Variants in WWOX observed in about 807,000 individuals in gnomAD.
The protein encoded by WWOX is WW domain containing oxidoreductase, also known as WW domain-containing oxidoreductase.
WWOX carries 69 observed loss-of-function variants against 46.2 expected under a neutral mutation model. The ratio of observed to expected loss-of-function variants is 1.49; its 90% CI spans 1.23 to 1.82. The LOEUF is 1.82. Among genes scored for constraint, WWOX ranks in the 40% most tolerant of loss-of-function variants. The pLI is 0.00. For missense variants in WWOX, 919 were observed against 542.6 expected (o/e 1.69, Z -6.89); for synonymous variants, 359 against 202.6 (o/e 1.77, Z -6.56).
chr16:78,751,277 A>G (rs1003763586), intron 8 of WWOX, among the ~76,000 whole-genome samples: 10 of 151,702 alleles, frequency 6.6e-5, no homozygotes, highest in Non-Finnish European at 8.8e-5. Flanking sequence ...AACTTTATGA[A>G]TTATTTCTGA....
chr16:78,314,735 A>G (rs1597471968), intron 5 of WWOX, among the ~76,000 whole-genome samples: 1 of 107,338 alleles, frequency 9.3e-6, no homozygotes, highest in Non-Finnish European at 1.7e-5. Flanking sequence ...TATTTTCAGT[A>G]GAGACAGGGT....
chr16:78,801,455 G>C (rs2050886374), intron 8 of WWOX, among the ~76,000 whole-genome samples: 1 of 152,186 alleles, frequency 6.6e-6, no homozygotes, highest in African/African-American at 2.4e-5. Flanking sequence ...GTTGCAGTAA[G>C]CTGATATCAT....
At position 79,211,785 on chromosome 16, in the gene WWOX, C is replaced by T. The variant is rs1443135051; in HGVS notation, c.1234C>T (p.Gln412Ter). The change falls in exon 9 of 9, where the codon CAG (glutamine) becomes TAG (stop). Residue 412 changes from glutamine (Q) to a stop codon, truncating the protein, a stop_gained. Transcript: ENST00000566780. LOFTEE classifies it high-confidence loss of function. ...GCTGATCCAAGAACGGCTTGGCAGCCAGTCCGGCTAAGTGGAGCTCAGAGC... is the reference window on the plus strand; with the variant it reads ...GCTGATCCAAGAACGGCTTGGCAGCTAGTCCGGCTAAGTGGAGCTCAGAGC... ...ERLIQERLGS[Q>*]SG 10 of 1,614,026 alleles carry T rather than the reference C, an allele frequency of 6.2e-6. No individual in the cohort carries two copies. Among genetic ancestry groups the T allele is most frequent in the Non-Finnish European group, 8.5e-6 (10 of 1,180,006 alleles).
intron 8 of WWOX, among the ~76,000 whole-genome samples, chr16:78,874,639 A>T (rs1250735328): frequency 6.6e-6 from 1 of 151,734 alleles, no homozygotes; most frequent in Non-Finnish European, 1.5e-5. Flanking sequence ...TAGTGGACAA[A>T]AATTGAAACA....
chr16:78,163,803 G>A (rs2034877445), intron 4 of WWOX, among the ~76,000 whole-genome samples: 1 of 152,172 alleles, frequency 6.6e-6, no homozygotes, highest in Non-Finnish European at 1.5e-5. Flanking sequence ...ATTATTGATG[G>A]TTAAATGGCT....
intron 8 of WWOX, among the ~76,000 whole-genome samples, chr16:78,520,630 G>T (rs1164468399): frequency 1.3e-5 from 2 of 151,826 alleles, no homozygotes; most frequent in African/African-American, 2.4e-5. Context: ...GTGGGGTGGG[G>T]TGGGGCAGGG....
intron 8 of WWOX, among the ~76,000 whole-genome samples, chr16:78,731,970 C>G (rs533200594): frequency 9.9e-4 from 150 of 151,568 alleles, no homozygotes; most frequent in Middle Eastern, 3.4e-3. Flanking sequence ...CCTCAGCCAT[C>G]TGAGTAGTTG....
At chr16:78,527,337 A>C (rs1215081804) in intron 8 of WWOX, among the ~76,000 whole-genome samples, 3 of 136,684 alleles carry the variant, frequency 2.2e-5, no homozygotes, top group Admixed American at 8.2e-5. Flanking sequence ...TCTGTTGCCT[A>C]GACTAGAGTG....
At chr16:78,480,052 A>G (rs1416409156) in intron 8 of WWOX, among the ~76,000 whole-genome samples, 3 of 152,206 alleles carry the variant, frequency 2.0e-5, no homozygotes, top group Non-Finnish European at 4.4e-5. Flanking sequence ...TAGGTGGATT[A>G]CAGAATTGTG....
chr16:78,862,214 G>A (rs2043902614), intron 8 of WWOX, among the ~76,000 whole-genome samples: 4 of 139,000 alleles, frequency 2.9e-5, no homozygotes, highest in South Asian at 2.3e-4. Flanking sequence ...ACACACCTAT[G>A]GGTGTGTCTG....
intron 5 of WWOX, among the ~76,000 whole-genome samples, chr16:78,215,369 G>A (rs578131234): frequency 6.6e-6 from 1 of 152,268 alleles, no homozygotes; most frequent in East Asian, 1.9e-4. Context: ...GAGGTGATTG[G>A]CCCGTGGTGG....
At chr16:78,912,063 T>C (rs1223865886) in intron 8 of WWOX, among the ~76,000 whole-genome samples, 2 of 152,000 alleles carry the variant, frequency 1.3e-5, no homozygotes. Flanking sequence ...TGAGTCCAAT[T>C]ATGGCCTTCA....
chr16:78,100,858 C>T (rs759038329), intron 1 of WWOX, among the ~76,000 whole-genome samples: 2 of 152,136 alleles, frequency 1.3e-5, no homozygotes, highest in Non-Finnish European at 2.9e-5. Context: ...GTCCTAAATA[C>T]ACGTTTTGGG....
chr16:78,416,297 T>C (rs1000581033), intron 6 of WWOX, among the ~76,000 whole-genome samples: 1 of 152,218 alleles, frequency 6.6e-6, no homozygotes, highest in African/African-American at 2.4e-5. Context: ...GCCATTTGAA[T>C]AATAAGAACC....
intron 8 of WWOX, among the ~76,000 whole-genome samples, chr16:78,736,762 A>G (rs72801216): frequency 0.15 from 22,829 of 151,814 alleles, 2,077 homozygotes; most frequent in African/African-American, 0.25. Context: ...TCCACATCTG[A>G]CTAATTACTA....
chr16:78,325,352 A>C lies in WWOX; in HGVS notation c.517-61508A>C, dbSNP rs928163404. Among the ~76,000 whole-genome samples, 7 of 152,324 alleles carry C rather than the reference A, an allele frequency of 4.6e-5. 1 individual carries two copies. The highest frequency in any genetic ancestry group is 1.9e-4 in the East Asian group (1 of 5,190). ...AATGTTTCATTATTCCTATACTATG[A>C]TTAAATATTGAGACTATTGCTTTTC... On this transcript the variant is annotated intron_variant, in intron 5 of 8. Transcript: ENST00000566780.
intron 8 of WWOX, among the ~76,000 whole-genome samples, chr16:78,968,258 C>G (rs868867739): frequency 6.6e-6 from 1 of 152,238 alleles, no homozygotes; most frequent in African/African-American, 2.4e-5. Flanking sequence ...TGGGCGATTT[C>G]CAGACTATCC....
chr16:79,096,308 C>G (rs1005708565), intron 8 of WWOX, among the ~76,000 whole-genome samples: 1 of 152,056 alleles, frequency 6.6e-6, no homozygotes, highest in African/African-American at 2.4e-5. Flanking sequence ...GAAGGCGTCC[C>G]CTGTTACTCG....
intron 8 of WWOX, among the ~76,000 whole-genome samples, chr16:78,849,491 G>C (rs1185139418): frequency 6.8e-6 from 1 of 147,222 alleles, no homozygotes; most frequent in Non-Finnish European, 1.5e-5. Context: ...GGAGAATGGC[G>C]TGAACCCGGG....
Sources: gnomAD v4.1 joint callset for allele counts (sites outside exome capture counted in the v4.1 genomes callset) on GRCh38, gnomAD v4.1.1 for gene constraint, MANE v1.5 for transcripts, NCBI Gene and HGNC (gene_info 2026-07-23, HGNC 2026-07-21) for gene names.